IPO7: variants seen among roughly 807,000 people sequenced by gnomAD.
The protein encoded by IPO7 is importin 7, also known as importin-7.
A neutral mutation model predicts 136.4 loss-of-function variants in IPO7; 13 were observed. The ratio of observed to expected loss-of-function variants is 0.10; its 90% CI spans 0.06 to 0.15. The LOEUF (loss-of-function observed/expected upper bound fraction) is 0.15. Ranked by LOEUF, IPO7 falls within the 10% of genes least tolerant of loss-of-function variation. IPO7 has a pLI of 1.00. For missense variants in IPO7, 857 were observed against 1,240.6 expected, an observed-to-expected ratio of 0.69 and a Z score of 4.65; for synonymous variants, 403 against 404.4, an observed-to-expected ratio of 1.00 and a Z score of 0.04.
intron 6 of IPO7, 68 bp downstream of exon 6, chr11:9,417,216 T>A: frequency 1.5e-6 from 1 of 672,806 alleles, no homozygotes; most frequent in Non-Finnish European, 2.6e-6. Flanking sequence ...AGACTTTAAC[T>A]GGTGTTTCCT....
rs945884189 is a variant in IPO7, at chr11:9,445,390, G to A, written c.*196G>A. 2 of 251,874 alleles carry A rather than the reference G, an allele frequency of 7.9e-6. No homozygotes were observed. The highest frequency in any genetic ancestry group is 6.9e-6 in the Non-Finnish European group (1 of 145,946). 15.6% of individuals were successfully genotyped at this position (251,874 alleles called of 1,614,324 possible). The stretch of plus-strand genomic sequence containing the variant: ...AGAAATCAGCGGGATTTTGGGGGTG[G>A]GGGGGGATGGGAGGTACCTTAGAGG... On this transcript the variant is annotated 3_prime_UTR_variant, in exon 25 of 25. Transcript: ENST00000379719.
At chr11:9,398,190 G>T (rs184663406) in intron 1 of IPO7, among the ~76,000 whole-genome samples, 1 of 152,224 alleles carries the variant, frequency 6.6e-6, no homozygotes, top group Non-Finnish European at 1.5e-5. Context: ...TTATTTCTTG[G>T]CTCTTCCAAT....
chr11:9,442,044 T>A, intron 23 of IPO7, 37 bp from the exon 24 acceptor site: 1 of 974,040 alleles, frequency 1.0e-6, no homozygotes, highest in Non-Finnish European at 1.7e-6. Flanking sequence ...GCCTCTCTTA[T>A]TCATGTTGTT....
chr11:9,444,929 T>C (rs1230146181), intron 24 of IPO7, among the ~76,000 whole-genome samples, 168 bp from the exon 25 acceptor site: 1 of 152,010 alleles, frequency 6.6e-6, no homozygotes, highest in African/African-American at 2.4e-5. Context: ...GATTATATTC[T>C]CTACATAATG....
intron 4 of IPO7, among the ~76,000 whole-genome samples, chr11:9,412,651 C>A (rs1854982509): frequency 6.6e-6 from 1 of 151,926 alleles, no homozygotes; most frequent in South Asian, 2.1e-4. Context: ...CCCCGTCTCT[C>A]CCCTACTCTC....
At chr11:9,444,509 C>G (rs568761445) in intron 24 of IPO7, among the ~76,000 whole-genome samples, 54 of 151,834 alleles carry the variant, frequency 3.6e-4, no homozygotes, top group African/African-American at 1.2e-3. Context: ...ATTGCAGGCA[C>G]GCACCACCAC....
Position 9,408,578 on chromosome 11 carries a change from G to A in IPO7, c.259G>A (p.Asp87Asn). 1 of 1,611,006 alleles carries A rather than the reference G, an allele frequency of 6.2e-7. No individual in the cohort carries two copies. Among genetic ancestry groups the A allele is most frequent in the South Asian group, 1.1e-5 (1 of 90,690 alleles). ...ATCCCCTTATACTATTCCAGAAGAA[G>A]ATCGCCATTGTATTCGAGAAAATAT... Reference protein sequence around the residue: ...DISPYTIPEEDRHCIRENIVE... With the variant: ...DISPYTIPEENRHCIRENIVE... The change falls in exon 3 of 25, where the codon GAT becomes AAT. Residue 87 changes from aspartate to asparagine, a missense_variant. Asp to Asn is a conservative substitution (Grantham distance 23, BLOSUM62 1). Coordinates refer to ENST00000379719, the MANE Select transcript of IPO7 (RefSeq NM_006391.3).
intron 20 of IPO7, among the ~76,000 whole-genome samples, chr11:9,436,868 A>ATTTT (rs869227367): frequency 5.5e-5 from 1 of 18,228 alleles, no homozygotes; most frequent in Non-Finnish European, 9.0e-5. Context: ...ATATATATAT[A>ATTTT]TTTTTTTTTT....
At chr11:9,392,787 A>G (rs1318411564) in intron 1 of IPO7, among the ~76,000 whole-genome samples, 3 of 151,932 alleles carry the variant, frequency 2.0e-5, no homozygotes, top group Non-Finnish European at 4.4e-5. Flanking sequence ...TGTCTCTACT[A>G]AAAATACAAA....
chr11:9,406,724 T>G (rs1283187117), intron 2 of IPO7, among the ~76,000 whole-genome samples: 1 of 151,824 alleles, frequency 6.6e-6, no homozygotes, highest in Non-Finnish European at 1.5e-5. Context: ...TACAAAAAAA[T>G]TAGCCGGGTG....
At chr11:9,407,807 C>A (rs1362286248) in intron 2 of IPO7, among the ~76,000 whole-genome samples, 2 of 152,138 alleles carry the variant, frequency 1.3e-5, no homozygotes, top group Non-Finnish European at 2.9e-5. Context: ...ATTTGTGACT[C>A]TGTTCTCCCC....
intron 5 of IPO7, among the ~76,000 whole-genome samples, chr11:9,416,232 T>C (rs1855041194): frequency 1.3e-5 from 2 of 152,224 alleles, no homozygotes; most frequent in Admixed American, 1.3e-4. Context: ...TGCCTAACTC[T>C]ATTCCTTGGT....
At chr11:9,392,212 T>A (rs2133718956) in intron 1 of IPO7, 1 of 298,978 alleles carries the variant, frequency 3.3e-6, no homozygotes, top group Non-Finnish European at 6.5e-6. Flanking sequence ...AGTTTCGCTC[T>A]TGTTGCCCAG....
intron 1 of IPO7, among the ~76,000 whole-genome samples, chr11:9,393,334 A>G (rs192395640): frequency 5.3e-5 from 8 of 152,272 alleles, no homozygotes; most frequent in African/African-American, 1.9e-4. Flanking sequence ...GAAGCCAAGA[A>G]AGATAATTTT....
rs536615983 is a variant in IPO7 at position 9,423,879 on chromosome 11, A to G, written c.1141+3A>G. The stretch of plus-strand genomic sequence containing the variant: ...CGAATATATACGCATGAAGTTTGGT[A>G]AGGAATTTTCACGTTTTTAGAAACA... On this transcript the variant is annotated splice_donor_region_variant and intron_variant, in intron 10 of 24. Transcript: ENST00000379719. 13 of 1,577,858 alleles carry G rather than the reference A, an allele frequency of 8.2e-6. No individual in the cohort carries two copies. In the African/African-American group the frequency reaches 1.6e-4, roughly 20 times the overall value.
chr11:9,429,220 A>T, intron 14 of IPO7, 24 bp downstream of exon 14: 1 of 1,601,946 alleles, frequency 6.2e-7, no homozygotes, highest in Non-Finnish European at 8.5e-7. Flanking sequence ...GTATGTCAAG[A>T]AAAGTGAATG....
intron 8 of IPO7, among the ~76,000 whole-genome samples, chr11:9,422,278 C>T (rs191345918): frequency 4.0e-5 from 6 of 151,782 alleles, no homozygotes; most frequent in African/African-American, 1.5e-4. Context: ...AATAAATAAA[C>T]AAATAAATAA....
rs202038310 is a variant in IPO7, at chr11:9,438,045, G to GTTTTTTTTTTTT, written c.2490-14_2490-3dup. On this transcript the variant is annotated intron_variant, in intron 21 of 24. Coordinates refer to ENST00000379719, the MANE Select transcript of IPO7 (RefSeq NM_006391.3). ...TCTGCTTATTTAAGAAAAGAAAACA[G>GTTTTTTTTTTTT]TTTTTTTTTTTTTTTTTTTTTTTTT... is the stretch of plus-strand genomic sequence containing the variant. 8.6e-5 allele frequency: 94 copies of GTTTTTTTTTTTT among 1,093,640 alleles called. 1 individual carries two copies. The highest frequency in any genetic ancestry group is 3.5e-4 in the South Asian group (22 of 62,082). The allele number at this position is 1,093,640 out of a possible 1,614,324, so 67.7% of individuals were successfully genotyped here.
At chr11:9,410,112 G>A (rs750923219) in intron 4 of IPO7, 26 bp downstream of exon 4, 2 of 1,435,846 alleles carry the variant, frequency 1.4e-6, no homozygotes, top group Non-Finnish European at 1.8e-6. Flanking sequence ...AACTCCTATA[G>A]AGCTTTGAGA....
Sources: gnomAD v4.1 joint callset for allele counts (sites outside exome capture counted in the v4.1 genomes callset) on GRCh38, gnomAD v4.1.1 for gene constraint, MANE v1.5 for transcripts, NCBI Gene and HGNC (gene_info 2026-07-23, HGNC 2026-07-21) for gene names.